Variants in PHRF1 observed in about 807,000 individuals in gnomAD.
PHRF1 encodes the protein PHD and RING finger domain-containing protein 1.
In PHRF1, 53 loss-of-function variants were observed where a neutral mutation model predicts 128.9. The observed-to-expected ratio is 0.41, with a 90% CI of 0.33 to 0.52. The LOEUF (loss-of-function observed/expected upper bound fraction) is 0.52. PHRF1 is among the 20% of genes least tolerant of loss of function. The pLI is 0.21. For synonymous variants in PHRF1, 1,178 were observed against 980.6 expected (o/e 1.20, Z -3.76); for missense variants, 2,503 against 2,284.5 (o/e 1.10, Z -1.95).
chr11:580,191 T>A (rs983604426), intron 1 of PHRF1, among the ~76,000 whole-genome samples: 9 of 152,222 alleles, frequency 5.9e-5, no homozygotes, highest in African/African-American at 1.9e-4. Flanking sequence ...AGGACAGGCC[T>A]TTCCTCCGAG....
chr11:611,591 C>A, intron 17 of PHRF1, 43 bp from the exon 18 acceptor site: 1 of 1,611,856 alleles, frequency 6.2e-7, no homozygotes, highest in Non-Finnish European at 8.5e-7. Flanking sequence ...CCCGGAACAT[C>A]TGGATGTGAA....
intron 3 of PHRF1, among the ~76,000 whole-genome samples, chr11:584,263 C>G (rs916198346): frequency 6.6e-6 from 1 of 152,198 alleles, no homozygotes; most frequent in Non-Finnish European, 1.5e-5. Flanking sequence ...CTGGCGTTGC[C>G]AGGGCTGAAA....
intron 14 of PHRF1, 121 bp downstream of exon 14, chr11:609,841 G>GT (rs1842086028): frequency 4.5e-6 from 3 of 671,294 alleles, no homozygotes; most frequent in Non-Finnish European, 7.2e-6. Flanking sequence ...AGAGCCCCCC[G>GT]TGAGTAGGGC....
At chr11:586,084 CCCCTGA>C (rs2132884002) in intron 3 of PHRF1, among the ~76,000 whole-genome samples, 1 of 152,216 alleles carries the variant, frequency 6.6e-6, no homozygotes, top group East Asian at 1.9e-4. Context: ...TGGTCTCAAA[CCCCTGA>C]CCTCAGGTGA....
Position 606,614 on chromosome 11 carries a change from C to T in PHRF1, c.1609+18C>T. The T allele has an allele frequency of 6.3e-7, 1 of 1,585,618 alleles. No individual in the cohort carries two copies. The stretch of plus-strand genomic sequence containing the variant: ...GAGGGCGGGTGAGTGCCTTCCCTGC[C>T]ACGGCCCCTTCCTCTGTGGGCTGCT... On this transcript the variant is annotated intron_variant, in intron 13 of 17. Coordinates refer to ENST00000264555, the MANE Select transcript of PHRF1 (RefSeq NM_001286581.2).
rs535717915 is a variant in PHRF1 at position 609,458 on chromosome 11, C to A, written c.4002C>A (p.Pro1334=). 3.1e-6 allele frequency: 5 copies of A among 1,605,698 alleles called. No individual in the cohort carries two copies. The East Asian group carries it at 1.1e-4, about 36-fold the overall frequency. ...SLMHDEDPSQ[P]PPLPEGTQEP... ...TGCACGATGAAGACCCTTCGCAGCCCCCACCCCTGCCAGAGGGCACCCAGG... is the reference window on the plus strand; with the variant it reads ...TGCACGATGAAGACCCTTCGCAGCCACCACCCCTGCCAGAGGGCACCCAGG... The change falls in exon 14 of 18, where the codon CCC becomes CCA. Residue 1334 remains proline (P), a synonymous_variant. Transcript: ENST00000264555.
Position 597,973 on chromosome 11 carries a change from A to G in PHRF1, c.895-400A>G, listed in dbSNP as rs977459212. ...TCCTGACAGCAGCCTTTCCCTGGGC[A>G]TTGGACAAGCAGGAGGGTCTGGGCT... is the stretch of plus-strand genomic sequence containing the variant. On this transcript the variant is annotated intron_variant, in intron 8 of 17. Transcript: ENST00000264555. This position sits in a 1 kb window ranked among gnomAD's most constrained non-coding sequence, Gnocchi z 6.5. Among the ~76,000 whole-genome samples, 1 of 152,278 alleles carries G rather than the reference A, an allele frequency of 6.6e-6. No homozygotes were observed. The highest frequency in any genetic ancestry group is 3.4e-3 in the Middle Eastern group (1 of 294).
At chr11:592,465 A>G (rs980310769) in intron 5 of PHRF1, 94 bp from the exon 6 acceptor site, 1 of 1,235,500 alleles carries the variant, frequency 8.1e-7, no homozygotes, top group African/African-American at 1.5e-5. Flanking sequence ...AATCTAAGGC[A>G]ATGGGTGGAT....
In PHRF1 at chr11:611,092, G is replaced by A. The variant is rs374256304; in HGVS notation, c.4806+10G>A. 1.2e-5 allele frequency: 19 copies of A among 1,611,958 alleles called. No homozygotes were observed. The highest frequency in any genetic ancestry group is 1.4e-5 in the Non-Finnish European group (17 of 1,179,452). Reference sequence around the variant, plus strand: ...CAAGGCCGTGCAGAAGGTGGGCTGTGTGCGAGCCTGTGTGTGGGGCTCGGG... The same window carrying A: ...CAAGGCCGTGCAGAAGGTGGGCTGTATGCGAGCCTGTGTGTGGGGCTCGGG... On this transcript the variant is annotated intron_variant, in intron 17 of 17. Transcript: ENST00000264555.
chr11:603,039 A>C (rs1229931005), intron 10 of PHRF1, among the ~76,000 whole-genome samples: 4 of 151,170 alleles, frequency 2.6e-5, no homozygotes, highest in Admixed American at 2.0e-4. Flanking sequence ...GGATTACAGG[A>C]GTGAGCCACC....
chr11:577,443 T>C (rs1255028915), intron 1 of PHRF1, among the ~76,000 whole-genome samples: 1 of 152,230 alleles, frequency 6.6e-6, no homozygotes, highest in Non-Finnish European at 1.5e-5. Flanking sequence ...GAGGTTTGAC[T>C]TCGGGTTTGG....
Position 580,776 on chromosome 11 carries a change from C to T in PHRF1, c.-21-716C>T, listed in dbSNP as rs189748488. On this transcript the variant is annotated intron_variant, in intron 1 of 17. Coordinates refer to ENST00000264555, the MANE Select transcript of PHRF1 (RefSeq NM_001286581.2). ...CGATCTCGGCTCACTGCAACCTCCG[C>T]CTCTCAGGTGCAAGCGATTCTCCTG... 6.0e-4 allele frequency among the ~76,000 whole-genome samples: 92 copies of T among 152,322 alleles called. 1 individual carries two copies. Among genetic ancestry groups the T allele is most frequent in the Non-Finnish European group, 1.0e-3 (68 of 68,034 alleles).
chr11:596,333 A>C (rs1167492417), intron 6 of PHRF1, among the ~76,000 whole-genome samples: 1 of 152,168 alleles, frequency 6.6e-6, no homozygotes, highest in Non-Finnish European at 1.5e-5. Flanking sequence ...AAACAATTAA[A>C]ACATAGTTTC....
In PHRF1 at chr11:596,919, G is replaced by A; in HGVS notation, c.621-4G>A. 2 of 1,613,612 alleles carry A rather than the reference G, an allele frequency of 1.2e-6. No individual in the cohort carries two copies. The highest frequency in any genetic ancestry group is 1.7e-6 in the Non-Finnish European group (2 of 1,179,644). ...GGATGCTTTGGCCCTGCTCTCTCCT[G>A]TAGGTACCACATGGAATGCTTGGAC... On this transcript the variant is annotated splice_polypyrimidine_tract_variant and splice_region_variant and intron_variant, in intron 6 of 17. Coordinates refer to ENST00000264555, the MANE Select transcript of PHRF1 (RefSeq NM_001286581.2).
At chr11:610,073 G>A (rs1025932058) in intron 14 of PHRF1, 123 bp from the exon 15 acceptor site, 127 of 1,264,574 alleles carry the variant, frequency 1.0e-4, no homozygotes, top group Non-Finnish European at 1.3e-4. Flanking sequence ...TGCTGGGGGT[G>A]GATCTGAGGG....
In PHRF1 at chr11:609,621, T is replaced by A. The variant is rs778483691; in HGVS notation, c.4165T>A (p.Ser1389Thr). ...QEAARPEEVV[S>T]QTPLLRSRAL... The stretch of plus-strand genomic sequence containing the variant: ...GGCAGCCCGGCCTGAGGAGGTGGTT[T>A]CGCAGACCCCCCTGCTGCGGTCCAG... The change falls in exon 14 of 18, where the codon TCG (serine) becomes ACG (threonine). Residue 1389 changes from serine to threonine, a missense_variant. Coordinates refer to ENST00000264555, the MANE Select transcript of PHRF1 (RefSeq NM_001286581.2). 6.3e-7 allele frequency: 1 copy of A among 1,585,090 alleles called. No individual in the cohort carries two copies. The highest frequency in any genetic ancestry group is 8.6e-7 in the Non-Finnish European group (1 of 1,167,460).
Position 607,243 on chromosome 11 carries a change from C to T in PHRF1, c.1787C>T (p.Ala596Val), listed in dbSNP as rs756036456. The T allele has an allele frequency of 1.2e-6, 2 of 1,612,426 alleles. No homozygotes were observed. Among genetic ancestry groups the T allele is most frequent in the Non-Finnish European group, 8.5e-7 (1 of 1,179,754 alleles). ...AGGTCCCGCACCCCCGCCCGCACCG[C>T]GGGGGCGCCTGTGAGGCTGGACTTG... ...QGRSRTPART[A>V]GAPVRLDLPA... Residue 596 changes from alanine (A) to valine (V), a missense_variant, in exon 14 of 18, where the codon GCG becomes GTG. Physicochemically the swap from Ala to Val is moderately conservative, Grantham distance 64. Coordinates refer to ENST00000264555, the MANE Select transcript of PHRF1 (RefSeq NM_001286581.2).
chr11:599,236 CTTTTTTTTTTTCTTTTCTTTTTT>C (rs1855487157), intron 9 of PHRF1, among the ~76,000 whole-genome samples: 1 of 125,012 alleles, frequency 8.0e-6, no homozygotes, highest in East Asian at 2.3e-4. Context: ...CATACTTTTT[CTTTTTTTTTTTCTTTTCTTTTTT>C]TTTTTTTTTT....
In PHRF1 at chr11:592,636, T is replaced by A. The variant is rs61739487; in HGVS notation, c.582T>A (p.Arg194=). The stretch of plus-strand genomic sequence containing the variant: ...GTGAGGTGTGCGGCAGGAGCGACCG[T>A]GAGGACAGGCTTTTGCTCTGCGACG... ...TFCEVCGRSD[R]EDRLLLCDGC... is the part of the protein sequence containing the mutation. The change falls in exon 6 of 18, where the codon CGT becomes CGA. Residue 194 remains arginine, a synonymous_variant. Transcript: ENST00000264555. 5 of 1,613,998 alleles carry A rather than the reference T, an allele frequency of 3.1e-6. No individual in the cohort carries two copies. Among genetic ancestry groups the A allele is most frequent in the Non-Finnish European group, 4.2e-6 (5 of 1,179,886 alleles).
Sources: gnomAD v4.1 joint callset for allele counts (sites outside exome capture counted in the v4.1 genomes callset) on GRCh38, gnomAD v4.1.1 for gene constraint, Gnocchi (gnomAD v3.1) non-coding constraint, MANE v1.5 for transcripts, NCBI Gene and HGNC (gene_info 2026-07-23, HGNC 2026-07-21) for gene names.